The following NCALD variants were observed in gnomAD, a reference collection of about 807,000 sequenced individuals.
The protein encoded by NCALD is neurocalcin-delta.
In NCALD, 10 loss-of-function variants were observed where a neutral mutation model predicts 18.6. The observed-to-expected ratio is 0.54, with a 90% CI of 0.33 to 0.91. NCALD has a LOEUF of 0.91. Among genes scored for constraint, NCALD ranks in the 40% least tolerant of loss-of-function variants. NCALD has a pLI of 0.03. For missense variants in NCALD, 184 were observed against 247.6 expected, an observed-to-expected ratio of 0.74 and a Z score of 1.72; for synonymous variants, 88 against 87.4, an observed-to-expected ratio of 1.01 and a Z score of -0.04.
At chr8:101,719,792 A>C in intron 1 of NCALD, 144 bp from the exon 2 acceptor site, 2 of 714,904 alleles carry the variant, frequency 2.8e-6, no homozygotes, top group Non-Finnish European at 4.3e-6. Flanking sequence ...TAGGTTTTGC[A>C]ACACACTGGT....
chr8:101,849,918 A>G (rs1405426780), intron 4 of NCALD, among the ~76,000 whole-genome samples: 1 of 152,232 alleles, frequency 6.6e-6, no homozygotes, highest in Non-Finnish European at 1.5e-5. Context: ...CATTCACAGA[A>G]TTCAGGAAGT....
intron 1 of NCALD, among the ~76,000 whole-genome samples, chr8:101,760,809 C>CT (rs1446998897): frequency 6.6e-6 from 1 of 152,148 alleles, no homozygotes; most frequent in East Asian, 1.9e-4. Context: ...AACAGCACCC[C>CT]TTATACTCTT....
intron 1 of NCALD, among the ~76,000 whole-genome samples, chr8:101,740,308 G>C (rs1363113730): frequency 6.6e-6 from 1 of 152,212 alleles, no homozygotes; most frequent in African/African-American, 2.4e-5. Flanking sequence ...TCTTGCATGA[G>C]TCCATAGGAC....
At chr8:101,939,096 C>T (rs1232316035) in intron 2 of NCALD, among the ~76,000 whole-genome samples, 5 of 152,284 alleles carry the variant, frequency 3.3e-5, no homozygotes, top group Middle Eastern at 3.4e-3. Flanking sequence ...AAGAAAAAGT[C>T]TTCTACTTTA....
intron 3 of NCALD, among the ~76,000 whole-genome samples, chr8:101,908,800 G>A (rs961419003): frequency 7.2e-5 from 11 of 152,288 alleles, no homozygotes; most frequent in Non-Finnish European, 1.6e-4. Flanking sequence ...AAGCTGTAAA[G>A]TGATAATGTG....
At chr8:102,030,284 A>AT (rs1206886989) in intron 1 of NCALD, among the ~76,000 whole-genome samples, 1 of 152,196 alleles carries the variant, frequency 6.6e-6, no homozygotes, top group Non-Finnish European at 1.5e-5. Context: ...GTAGTTCTTG[A>AT]TTTTTCAGTT....
intron 3 of NCALD, among the ~76,000 whole-genome samples, chr8:101,908,215 C>T (rs1055218591): frequency 6.6e-6 from 1 of 152,236 alleles, no homozygotes; most frequent in African/African-American, 2.4e-5. Context: ...TGTTAAATCA[C>T]ATGCCAGGTG....
chr8:102,106,092 T>C (rs115144025), intron 1 of NCALD, among the ~76,000 whole-genome samples: 2,584 of 150,832 alleles, frequency 0.017, 101 homozygotes, highest in African/African-American at 0.06. Context: ...TTTTTTGAGA[T>C]GGAGTTTCAC....
intron 2 of NCALD, among the ~76,000 whole-genome samples, chr8:101,979,475 G>T (rs535977482): frequency 6.6e-6 from 1 of 152,252 alleles, no homozygotes; most frequent in South Asian, 2.1e-4. Context: ...GCTATGCAGA[G>T]AATAAAAATA....
At chr8:101,943,537 G>A (rs1819038711) in intron 2 of NCALD, among the ~76,000 whole-genome samples, 1 of 152,138 alleles carries the variant, frequency 6.6e-6, no homozygotes, top group African/African-American at 2.4e-5. Context: ...ACAATATCTG[G>A]GGGCATGACA....
At chr8:101,691,292 T>C (rs933814544) in intron 3 of NCALD, 4 of 985,274 alleles carry the variant, frequency 4.1e-6, no homozygotes, top group Non-Finnish European at 4.8e-6. Flanking sequence ...TTAATTTAAT[T>C]TTAAACATGA....
At chr8:101,758,196 G>C (rs1377505192) in intron 1 of NCALD, among the ~76,000 whole-genome samples, 1 of 152,088 alleles carries the variant, frequency 6.6e-6, no homozygotes. Context: ...ACTACAAATG[G>C]CTTTGTAATC....
chr8:101,877,499 T>G (rs1161400802), intron 4 of NCALD, among the ~76,000 whole-genome samples: 1 of 152,218 alleles, frequency 6.6e-6, no homozygotes, highest in Non-Finnish European at 1.5e-5. Flanking sequence ...CCCCAGTCAT[T>G]CTGCATTTCT....
chr8:102,101,842 A>C (rs1825292880), intron 1 of NCALD, among the ~76,000 whole-genome samples: 1 of 152,218 alleles, frequency 6.6e-6, no homozygotes, highest in Admixed American at 6.5e-5. Context: ...TCTCACTCTT[A>C]CAAATGGGGC....
chr8:101,945,360 G>A (rs1296903484), intron 2 of NCALD, among the ~76,000 whole-genome samples: 2 of 152,002 alleles, frequency 1.3e-5, no homozygotes, highest in African/African-American at 4.8e-5. Context: ...GGAGAGGAAG[G>A]GGCTAAAATG....
chr8:101,998,444 C>T (rs1051651346), intron 2 of NCALD, among the ~76,000 whole-genome samples: 5 of 152,118 alleles, frequency 3.3e-5, no homozygotes, highest in African/African-American at 1.2e-4. Context: ...TGACCCCTGG[C>T]TTCTGTTAGG....
chr8:102,042,571 G>T (rs1427250736), intron 1 of NCALD, among the ~76,000 whole-genome samples: 1 of 151,916 alleles, frequency 6.6e-6, no homozygotes, highest in Non-Finnish European at 1.5e-5. Context: ...GACCAGAAGT[G>T]AGCCACTCAC....
intron 4 of NCALD, among the ~76,000 whole-genome samples, chr8:101,798,627 C>G (rs1802041880): frequency 6.6e-6 from 1 of 151,758 alleles, no homozygotes; most frequent in Non-Finnish European, 1.5e-5. Context: ...AAAATCTCAG[C>G]AAGATTTGTT....
intron 4 of NCALD, among the ~76,000 whole-genome samples, chr8:101,840,868 C>T (rs778543026): frequency 6.6e-6 from 1 of 152,064 alleles, no homozygotes; most frequent in Non-Finnish European, 1.5e-5. Flanking sequence ...ATCATTGATT[C>T]GAATACTTGA....
Sources: allele counts gnomAD v4.1 joint callset (sites outside exome capture counted in the v4.1 genomes callset), GRCh38; gene constraint gnomAD v4.1.1; transcripts MANE v1.5; gene names NCBI Gene and HGNC (gene_info 2026-07-23, HGNC 2026-07-21).